Variants in MMP26 observed in about 807,000 individuals in gnomAD.
MMP26 encodes the protein matrix metalloproteinase-26.
MMP26 carries 33 observed loss-of-function variants against 31.0 expected under a neutral mutation model. The ratio of observed to expected loss-of-function variants is 1.06; its 90% CI spans 0.81 to 1.42. The LOEUF (loss-of-function observed/expected upper bound fraction) is 1.42. MMP26 is among the 40% of genes most tolerant of loss of function. MMP26 has a pLI of 0.00. For missense variants in MMP26, 347 were observed against 316.1 expected (o/e 1.10, Z -0.74); for synonymous variants, 122 against 114.9 (o/e 1.06, Z -0.40).
In MMP26 at chr11:4,804,441, A is replaced by G. The variant is rs772720581; in HGVS notation, c.-145+37100A>G. 3 of 1,266,554 alleles carry G rather than the reference A, an allele frequency of 2.4e-6. No individual in the cohort carries two copies. In the East Asian group the frequency reaches 6.9e-5, roughly 29 times the overall value. 78.5% of individuals were successfully genotyped at this position (1,266,554 alleles called of 1,614,324 possible). ...CTACTCTCTGCAGATGATAACAATC[A>G]AAACAAGTGTTATTATTATATACAA... On this transcript the variant is annotated intron_variant, in intron 2 of 7. Transcript: ENST00000380390.
intron 2 of MMP26, among the ~76,000 whole-genome samples, chr11:4,810,019 C>T (rs775462016): frequency 1.4e-4 from 21 of 152,154 alleles, no homozygotes; most frequent in South Asian, 6.2e-4. Flanking sequence ...TGGACGTTTC[C>T]GACCTTTAAG....
chr11:4,891,527 C>A (rs1337929473), intron 2 of MMP26, among the ~76,000 whole-genome samples: 3 of 152,102 alleles, frequency 2.0e-5, no homozygotes, highest in Non-Finnish European at 2.9e-5. Context: ...AACAAATATC[C>A]ACACCATATC....
intron 2 of MMP26, among the ~76,000 whole-genome samples, chr11:4,793,083 G>A (rs916655915): frequency 2.0e-5 from 3 of 152,144 alleles, no homozygotes; most frequent in African/African-American, 4.8e-5. Flanking sequence ...CCATTTGAAT[G>A]GGCGGGTGTG....
chr11:4,904,824 C>T (rs573893890), intron 2 of MMP26, among the ~76,000 whole-genome samples: 48 of 152,070 alleles, frequency 3.2e-4, no homozygotes, highest in Non-Finnish European at 2.8e-4. Flanking sequence ...CACATTTATT[C>T]TTTACATATT....
chr11:4,890,977 CAGA>C (rs1307126681), intron 2 of MMP26, among the ~76,000 whole-genome samples: 1 of 83,628 alleles, frequency 1.2e-5, no homozygotes, highest in Non-Finnish European at 2.5e-5. Context: ...GGAATGAACT[CAGA>C]ATAATAATAA....
chr11:4,863,562 C>T (rs2133517182), intron 2 of MMP26: 1 of 152,286 alleles, frequency 6.6e-6, no homozygotes, highest in Non-Finnish European at 1.5e-5. Context: ...TTATCTTACA[C>T]ATAGCTTGCT....
chr11:4,746,157 G>T (rs1338846940), intron 1 of MMP26, among the ~76,000 whole-genome samples: 1 of 152,134 alleles, frequency 6.6e-6, no homozygotes, highest in Non-Finnish European at 1.5e-5. Context: ...TGTTCCCATT[G>T]ACTTGCATTA....
intron 2 of MMP26, among the ~76,000 whole-genome samples, chr11:4,784,727 T>A (rs1051383295): frequency 1.3e-5 from 2 of 152,208 alleles, no homozygotes; most frequent in South Asian, 4.1e-4. Context: ...ATTTGATTTG[T>A]TTTAAGCCAC....
chr11:4,925,889 C>G (rs533468841), intron 2 of MMP26, among the ~76,000 whole-genome samples: 1 of 151,990 alleles, frequency 6.6e-6, no homozygotes, highest in East Asian at 1.9e-4. Flanking sequence ...AATAGACTGG[C>G]AAAGCATTGT....
At chr11:4,908,079 TA>T in intron 2 of MMP26, 1 of 1,614,246 alleles carries the variant, frequency 6.2e-7, no homozygotes, top group Non-Finnish European at 8.5e-7. Flanking sequence ...CTTAAGGCCC[TA>T]AATACCTGTG....
intron 2 of MMP26, among the ~76,000 whole-genome samples, chr11:4,809,897 C>T (rs1036532639): frequency 6.6e-6 from 1 of 152,216 alleles, no homozygotes; most frequent in Non-Finnish European, 1.5e-5. Context: ...CAGATGATCA[C>T]TCACCCAGAC....
chr11:4,992,332 T>C lies in MMP26; in HGVS notation c.*90T>C. On this transcript the variant is annotated 3_prime_UTR_variant, in exon 8 of 8. Transcript: ENST00000380390. The stretch of plus-strand genomic sequence containing the variant: ...AAAGCACTAGAGCAGCCTTGGGGAC[T>C]GCTAGGATGAAGCCCTAAAGAATGC... The C allele has an allele frequency of 2.3e-6, 3 of 1,325,292 alleles. No individual in the cohort carries two copies. Among genetic ancestry groups the C allele is most frequent in the Non-Finnish European group, 3.1e-6 (3 of 956,402 alleles). 82.1% of individuals were successfully genotyped at this position (1,325,292 alleles called of 1,614,324 possible). A position where few individuals can be genotyped will look rare whatever the true frequency, so the allele number is the denominator to read the frequency against.
At chr11:4,863,837 T>C (rs1850198043) in intron 2 of MMP26, among the ~76,000 whole-genome samples, 1 of 152,170 alleles carries the variant, frequency 6.6e-6, no homozygotes, top group Non-Finnish European at 1.5e-5. Context: ...TCTAAAAATT[T>C]CCTTTATCTG....
chr11:4,991,521 G>A (rs774344667), intron 6 of MMP26, 25 bp downstream of exon 6: 27 of 1,607,862 alleles, frequency 1.7e-5, no homozygotes, highest in South Asian at 2.2e-5. Context: ...TGGTGGGATC[G>A]CTAGAACTCT....
At chr11:4,918,192 G>A (rs764493184) in intron 2 of MMP26, among the ~76,000 whole-genome samples, 3 of 152,042 alleles carry the variant, frequency 2.0e-5, no homozygotes, top group East Asian at 1.9e-4. Flanking sequence ...AGTCAGTGCC[G>A]GAGCTGGAAT....
intron 1 of MMP26, among the ~76,000 whole-genome samples, chr11:4,759,811 C>T (rs1848549738): frequency 6.6e-6 from 1 of 152,202 alleles, no homozygotes; most frequent in Non-Finnish European, 1.5e-5. Flanking sequence ...CGTTGTTTCT[C>T]GTCATCTCTA....
chr11:4,808,685 G>C (rs1849310230), intron 2 of MMP26, among the ~76,000 whole-genome samples: 1 of 151,648 alleles, frequency 6.6e-6, no homozygotes, highest in Non-Finnish European at 1.5e-5. Flanking sequence ...ACAGGGCAGA[G>C]CTTCCCCATG....
chr11:4,917,023 GC>G (rs754876895), intron 2 of MMP26, among the ~76,000 whole-genome samples: 13 of 152,296 alleles, frequency 8.5e-5, no homozygotes, highest in Admixed American at 1.3e-4. Flanking sequence ...GACTTCCACA[GC>G]AGTGATCTTC....
At chr11:4,956,767 T>C (rs1846449783) in intron 2 of MMP26, among the ~76,000 whole-genome samples, 1 of 152,188 alleles carries the variant, frequency 6.6e-6, no homozygotes, top group Non-Finnish European at 1.5e-5. Flanking sequence ...TTTTCTCCCT[T>C]ACCAAATCTT....
Sources: allele counts gnomAD v4.1 joint callset (sites outside exome capture counted in the v4.1 genomes callset), GRCh38; gene constraint gnomAD v4.1.1; transcripts MANE v1.5; gene names NCBI Gene and HGNC (gene_info 2026-07-23, HGNC 2026-07-21).